The following RAPGEF2 variants were observed in gnomAD, a reference collection of about 807,000 sequenced individuals.
RAPGEF2 encodes Rap guanine nucleotide exchange factor 2, also known as PDZ domain containing guanine nucleotide exchange factor (GEF) 1.
Under a neutral mutation model 186.7 loss-of-function variants are expected in RAPGEF2, and 54 were observed. That is an observed-to-expected ratio of 0.29 (90% CI 0.23 to 0.36). The LOEUF is 0.36. Among genes scored for constraint, RAPGEF2 ranks in the 10% least tolerant of loss-of-function variants. RAPGEF2 has a pLI of 1.00. For missense variants in RAPGEF2, 1,532 were observed against 2,045.0 expected, an observed-to-expected ratio of 0.75 and a Z score of 4.84; for synonymous variants, 712 against 705.9, an observed-to-expected ratio of 1.01 and a Z score of -0.14.
chr4:159,204,528 G>A (rs753314104), intron 3 of RAPGEF2, among the ~76,000 whole-genome samples: 3 of 152,208 alleles, frequency 2.0e-5, no homozygotes, highest in Non-Finnish European at 2.9e-5. Flanking sequence ...GGATCATACA[G>A]TTCTGATTGC....
chr4:159,158,215 C>T (rs1744332283), intron 1 of RAPGEF2, among the ~76,000 whole-genome samples: 2 of 152,172 alleles, frequency 1.3e-5, no homozygotes, highest in Non-Finnish European at 2.9e-5. Flanking sequence ...TTCAACTTCA[C>T]TCCCCAACCA....
At chr4:159,276,191 C>T (rs959539480) in intron 7 of RAPGEF2, among the ~76,000 whole-genome samples, 1 of 152,068 alleles carries the variant, frequency 6.6e-6, no homozygotes, top group Admixed American at 6.6e-5. Flanking sequence ...GGGGGAAGTT[C>T]AGCAAAATTG....
At chr4:159,151,326 G>A (rs1393612939) in intron 1 of RAPGEF2, among the ~76,000 whole-genome samples, 4 of 152,198 alleles carry the variant, frequency 2.6e-5, no homozygotes, top group African/African-American at 9.7e-5. Flanking sequence ...TTTGGTGCAG[G>A]TCAGCTGAGT....
chr4:159,240,964 A>G, intron 5 of RAPGEF2: 2 of 411,582 alleles, frequency 4.9e-6, no homozygotes, highest in Non-Finnish European at 8.6e-6. Context: ...AGGAAATTCA[A>G]GAGTTACCCA....
At chr4:159,262,783 C>A (rs1243409242) in intron 7 of RAPGEF2, among the ~76,000 whole-genome samples, 2 of 151,922 alleles carry the variant, frequency 1.3e-5, no homozygotes, top group African/African-American at 4.8e-5. Context: ...CATAATTTTT[C>A]AATTACAAAT....
chr4:159,121,966 G>A (rs1361748144), intron 1 of RAPGEF2, among the ~76,000 whole-genome samples: 3 of 147,820 alleles, frequency 2.0e-5, no homozygotes, highest in Non-Finnish European at 4.5e-5. Context: ...TAAAACCCGG[G>A]AGGCAGAGGT....
At chr4:159,135,505 T>G (rs1422630997) in intron 1 of RAPGEF2, among the ~76,000 whole-genome samples, 3 of 152,252 alleles carry the variant, frequency 2.0e-5, no homozygotes, top group African/African-American at 7.2e-5. Flanking sequence ...TGCATTTCCT[T>G]TAATCATTAA....
At chr4:159,330,141 A>G in intron 12 of RAPGEF2, 131 bp downstream of exon 12, 3 of 954,128 alleles carry the variant, frequency 3.1e-6, no homozygotes, top group Middle Eastern at 2.2e-4. Flanking sequence ...ATCTTTATGT[A>G]TGATCTCCTA....
chr4:159,247,371 C>T (rs1053204737), intron 7 of RAPGEF2, among the ~76,000 whole-genome samples: 7 of 152,114 alleles, frequency 4.6e-5, no homozygotes, highest in African/African-American at 1.7e-4. Context: ...CTACAGGAGT[C>T]GGGGATGGTT....
chr4:159,355,205 A>G (rs1403742027), intron 28 of RAPGEF2, among the ~76,000 whole-genome samples: 1 of 152,220 alleles, frequency 6.6e-6, no homozygotes, highest in African/African-American at 2.4e-5. Flanking sequence ...TGGCCTATAC[A>G]GGTTTCATAT....
At chr4:159,161,724 A>T (rs1306320424) in intron 1 of RAPGEF2, among the ~76,000 whole-genome samples, 2 of 152,150 alleles carry the variant, frequency 1.3e-5, no homozygotes, top group Non-Finnish European at 2.9e-5. Context: ...AAATAAAAAT[A>T]AAAAAAATTT....
intron 3 of RAPGEF2, among the ~76,000 whole-genome samples, chr4:159,196,872 TG>T (rs1295788447): frequency 2.6e-5 from 4 of 152,214 alleles, no homozygotes; most frequent in Non-Finnish European, 5.9e-5. Flanking sequence ...TGTATTGAGT[TG>T]GGGGGAACAT....
chr4:159,350,549 G>C (rs1310048602), intron 26 of RAPGEF2, among the ~76,000 whole-genome samples: 1 of 151,966 alleles, frequency 6.6e-6, no homozygotes, highest in African/African-American at 2.4e-5. Context: ...TTTTAATTCA[G>C]ATAAATATAC....
chr4:159,157,515 G>A (rs901482175), intron 1 of RAPGEF2, among the ~76,000 whole-genome samples: 2 of 152,046 alleles, frequency 1.3e-5, no homozygotes, highest in African/African-American at 4.8e-5. Flanking sequence ...CTAGGGTTTC[G>A]GAGTCAGACC....
At chr4:159,253,643 T>G (rs931452665) in intron 7 of RAPGEF2, among the ~76,000 whole-genome samples, 1 of 152,200 alleles carries the variant, frequency 6.6e-6, no homozygotes, top group Non-Finnish European at 1.5e-5. Context: ...AACCATAGTT[T>G]TTTTTTTTAT....
At chr4:159,302,769 A>T (rs1489971023) in intron 7 of RAPGEF2, among the ~76,000 whole-genome samples, 18 of 151,240 alleles carry the variant, frequency 1.2e-4, no homozygotes, top group African/African-American at 4.1e-4. Context: ...ATATTTTTTT[A>T]TTTTTTTTAC....
At chr4:159,113,873 ATTAG>A (rs1738764460) in intron 1 of RAPGEF2, among the ~76,000 whole-genome samples, 1 of 151,830 alleles carries the variant, frequency 6.6e-6, no homozygotes. Context: ...CAGTATATTT[ATTAG>A]TTGGGGAAAC....
intron 1 of RAPGEF2, among the ~76,000 whole-genome samples, chr4:159,135,301 C>T (rs1218847127): frequency 1.3e-5 from 2 of 152,216 alleles, no homozygotes; most frequent in Non-Finnish European, 2.9e-5. Context: ...CCACCTCAGC[C>T]TCCCAAAGTG....
intron 1 of RAPGEF2, among the ~76,000 whole-genome samples, chr4:159,126,954 G>A (rs932839881): frequency 1.3e-5 from 2 of 152,154 alleles, no homozygotes; most frequent in African/African-American, 2.4e-5. Context: ...CTGCTCCTAC[G>A]TTTGAATTGA....
Sources: allele counts gnomAD v4.1 joint callset (sites outside exome capture counted in the v4.1 genomes callset), GRCh38; gene constraint gnomAD v4.1.1; transcripts MANE v1.5; gene names NCBI Gene and HGNC (gene_info 2026-07-23, HGNC 2026-07-21).